Variants in ZNF831 observed in about 807,000 individuals in gnomAD.
ZNF831 encodes chromosome 20 open reading frame 174.
Under a neutral mutation model 95.8 loss-of-function variants are expected in ZNF831, and 59 were observed. The ratio of observed to expected loss-of-function variants is 0.62; its 90% CI spans 0.50 to 0.77. ZNF831 has a LOEUF of 0.77. Among genes scored for constraint, ZNF831 ranks in the 30% least tolerant of loss-of-function variants. The pLI, the probability that ZNF831 is intolerant of heterozygous loss-of-function variation, is 0.00. For synonymous variants in ZNF831, 961 were observed against 925.5 expected, an observed-to-expected ratio of 1.04 and a Z score of -0.70; for missense variants, 2,205 against 2,164.0, an observed-to-expected ratio of 1.02 and a Z score of -0.38.
At position 59,141,493 on chromosome 20, in the gene ZNF831, T is replaced by G. The variant is rs188384237; in HGVS notation, c.-1424-4738T>G. 1.2e-4 allele frequency among the ~76,000 whole-genome samples: 19 copies of G among 152,348 alleles called. No homozygotes were observed. In the East Asian group the frequency reaches 3.7e-3, roughly 29 times the overall value. Reference sequence around the variant, plus strand: ...AAAGATTATCCTTACTCCGTTAAAATTGCTTTTGCACCTTTGTCAAAATCA... The same window carrying G: ...AAAGATTATCCTTACTCCGTTAAAAGTGCTTTTGCACCTTTGTCAAAATCA... On this transcript the variant is annotated intron_variant, in intron 1 of 7. Coordinates refer to the ZNF831 transcript ENST00000637017.
intron 1 of ZNF831, among the ~76,000 whole-genome samples, chr20:59,139,024 C>G (rs1265249173): frequency 3.3e-5 from 5 of 151,842 alleles, no homozygotes; most frequent in South Asian, 2.1e-4. Flanking sequence ...TTTTTTTTGA[C>G]AGCGGTTACT....
intron 1 of ZNF831, among the ~76,000 whole-genome samples, chr20:59,172,174 C>T (rs564619337): frequency 6.6e-6 from 1 of 152,264 alleles, no homozygotes; most frequent in South Asian, 2.1e-4. Flanking sequence ...CTATGATTTC[C>T]TATGATATCA....
At chr20:59,177,399 C>T (rs1015972479) in intron 1 of ZNF831, among the ~76,000 whole-genome samples, 4 of 152,260 alleles carry the variant, frequency 2.6e-5, no homozygotes, top group South Asian at 2.1e-4. Context: ...TGTGTCATGC[C>T]GCAAACATGC....
At position 59,191,939 on chromosome 20, in the gene ZNF831, C is replaced by T. The variant is rs1398530461; in HGVS notation, c.920C>T (p.Pro307Leu). The change falls in exon 2 of 6, where the codon CCG becomes CTG. Residue 307 changes from proline to leucine, a missense_variant. Physicochemically the swap from Pro to Leu is moderately conservative, Grantham distance 98 (BLOSUM62 -3). Transcript: ENST00000371030. ...CGTAAGTTGCCAGAGCAGAAGTCGC[C>T]GACCGCCGGGAAGCCGTGCGCCCTG... ...PWRKLPEQKS[P>L]TAGKPCALQR... 2 of 1,609,466 alleles carry T rather than the reference C, an allele frequency of 1.2e-6. No individual in the cohort carries two copies. The highest frequency in any genetic ancestry group is 1.3e-5 in the African/African-American group (1 of 74,864).
chr20:59,126,588 T>C (rs993462666), intron 1 of ZNF831, among the ~76,000 whole-genome samples: 1 of 152,226 alleles, frequency 6.6e-6, no homozygotes, highest in Admixed American at 6.5e-5. Context: ...CTCTAAGAGT[T>C]GCCTGCTCCC....
chr20:59,133,482 A>G (rs1023495345), intron 1 of ZNF831, among the ~76,000 whole-genome samples: 1 of 152,236 alleles, frequency 6.6e-6, no homozygotes, highest in Non-Finnish European at 1.5e-5. Flanking sequence ...ATATGAATGC[A>G]GGTCTGTCCA....
At chr20:59,233,044 A>C (rs1199979609) in intron 4 of ZNF831, among the ~76,000 whole-genome samples, 1 of 141,092 alleles carries the variant, frequency 7.1e-6, no homozygotes, top group Non-Finnish European at 1.6e-5. Flanking sequence ...ACACACACAC[A>C]TAGAGAGAGA....
At chr20:59,167,376 G>A (rs1568735156) in intron 1 of ZNF831, among the ~76,000 whole-genome samples, 1 of 151,020 alleles carries the variant, frequency 6.6e-6, no homozygotes, top group Non-Finnish European at 1.5e-5. Context: ...ACTTTCTCCA[G>A]ATCTGTAGCT....
Position 59,192,320 on chromosome 20 carries a change from T to C in ZNF831, c.1301T>C (p.Leu434Pro), listed in dbSNP as rs201443035. Residue 434 changes from leucine (L) to proline (P), a missense_variant, in exon 2 of 6, where the codon CTG becomes CCG. Transcript: ENST00000371030. The surrounding 1 kb of genome is among the most constrained non-coding windows in gnomAD (Gnocchi z 5.2). ...AACGTGCGGCCCCGGAAGACCGGGC[T>C]GTCCAAACAGGGCAGCATCGACCTG... ...LDNVRPRKTG[L>P]SKQGSIDLPT... 21 of 1,597,592 alleles carry C rather than the reference T, an allele frequency of 1.3e-5. No homozygotes were observed. The East Asian group carries it at 4.5e-4, about 34-fold the overall frequency.
At chr20:59,127,626 G>T (rs1207142560) in intron 1 of ZNF831, among the ~76,000 whole-genome samples, 1 of 152,152 alleles carries the variant, frequency 6.6e-6, no homozygotes, top group African/African-American at 2.4e-5. Flanking sequence ...TCTACTCAAA[G>T]GTCTCCTACT....
intron 1 of ZNF831, among the ~76,000 whole-genome samples, 104 bp downstream of exon 1, chr20:59,164,311 TA>T (rs1317587934): frequency 6.6e-6 from 1 of 152,232 alleles, no homozygotes; most frequent in Non-Finnish European, 1.5e-5. Flanking sequence ...AGCACGCAGT[TA>T]AAGGGAAAAT....
At chr20:59,211,065 A>AAAAAAAAAAAACAAAAAAAAAAC (rs753979009) in intron 4 of ZNF831, among the ~76,000 whole-genome samples, 4 of 77,548 alleles carry the variant, frequency 5.2e-5, no homozygotes, top group African/African-American at 3.2e-4. Flanking sequence ...AAAAAAAAAA[A>AAAAAAAAAAAACAAAAAAAAAAC]CAAATCCAAG....
Position 59,253,907 on chromosome 20 carries a change from C to T in ZNF831, c.4198C>T (p.Pro1400Ser), listed in dbSNP as rs773192622. 2 of 1,190,672 alleles carry T rather than the reference C, an allele frequency of 1.7e-6. No individual in the cohort carries two copies. Among genetic ancestry groups the T allele is most frequent in the South Asian group, 2.6e-5 (2 of 76,844 alleles). The allele number at this position is 1,190,672 out of a possible 1,614,324, so 73.8% of individuals were successfully genotyped here. The part of the protein sequence containing the change: ...MDKRTVKDIS[P>S]SAGEHGDCTT... ...TTGCACTTTGTTGCAGGATATTTCT[C>T]CATCTGCTGGTGAGCATGGTGACTG... Residue 1400 changes from proline (P) to serine (S), a missense_variant, in exon 6 of 6, where the codon CCA (proline) becomes TCA (serine). Transcript: ENST00000371030.
intron 2 of ZNF831, among the ~76,000 whole-genome samples, chr20:59,149,527 C>A (rs991335776): frequency 6.6e-6 from 1 of 152,232 alleles, no homozygotes; most frequent in Non-Finnish European, 1.5e-5. Flanking sequence ...TAACCTTATA[C>A]TCCATAATAT....
intron 3 of ZNF831, among the ~76,000 whole-genome samples, chr20:59,203,293 G>T (rs1172272820): frequency 6.6e-6 from 1 of 152,140 alleles, no homozygotes; most frequent in African/African-American, 2.4e-5. Context: ...TTAACCATGA[G>T]CAACGCATTA....
rs1233356496 is a variant in ZNF831 at position 59,217,631 on chromosome 20, A to G, written c.4027+10575A>G. 6.6e-6 allele frequency among the ~76,000 whole-genome samples: 1 copy of G among 152,160 alleles called. No homozygotes were observed. The highest frequency in any genetic ancestry group is 2.4e-5 in the African/African-American group (1 of 41,424). ...TCTTTTCCCCTTGGATGAGTAAAAG[A>G]TGCTACCTTCTATGCCTGTGGATGG... is the stretch of plus-strand genomic sequence containing the variant. On this transcript the variant is annotated intron_variant, in intron 4 of 5. Transcript: ENST00000371030. The surrounding 1 kb of genome is among the most constrained non-coding windows in gnomAD (Gnocchi z 4.4).
rs2146586000 is a variant in ZNF831 at position 59,193,590 on chromosome 20, G to A, written c.2571G>A (p.Lys857=). The A allele has an allele frequency of 4.3e-6, 7 of 1,611,284 alleles. No homozygotes were observed. Among genetic ancestry groups the A allele is most frequent in the Non-Finnish European group, 5.9e-6 (7 of 1,178,842 alleles). Residue 857 remains lysine (K), a synonymous_variant, in exon 2 of 6, where the codon AAG becomes AAA. Coordinates refer to ENST00000371030, the MANE Select transcript of ZNF831 (RefSeq NM_178457.3). ...AGCCTGCCTCTTTGTCATCCCAGAAGCAGGATGCCGATCCCGGGGAGGTGC... is the reference window on the plus strand; with the variant it reads ...AGCCTGCCTCTTTGTCATCCCAGAAACAGGATGCCGATCCCGGGGAGGTGC... ...PTQPASLSSQ[K]QDADPGEVPG...
intron 2 of ZNF831, among the ~76,000 whole-genome samples, chr20:59,155,221 G>A (rs924854362): frequency 6.6e-6 from 1 of 152,146 alleles, no homozygotes; most frequent in African/African-American, 2.4e-5. Flanking sequence ...TCATACAAAA[G>A]ACTATAGAAC....
intron 4 of ZNF831, among the ~76,000 whole-genome samples, chr20:59,251,813 G>A (rs998162039): frequency 1.4e-4 from 22 of 152,266 alleles, no homozygotes; most frequent in African/African-American, 3.4e-4. Context: ...AAGCAAAATC[G>A]TCATTAATCC....
Sources: gnomAD v4.1 joint callset for allele counts (sites outside exome capture counted in the v4.1 genomes callset) on GRCh38, gnomAD v4.1.1 for gene constraint, Gnocchi (gnomAD v3.1) non-coding constraint, MANE v1.5 for transcripts, NCBI Gene and HGNC (gene_info 2026-07-23, HGNC 2026-07-21) for gene names.